Variants in CFAP20DC observed in about 807,000 individuals in gnomAD.
CFAP20DC encodes CFAP20 domain containing.
CFAP20DC carries 84 observed loss-of-function variants against 101.7 expected under a neutral mutation model. The observed-to-expected ratio is 0.83, with a 90% CI of 0.69 to 0.99. CFAP20DC has a LOEUF of 0.99. CFAP20DC is among the 50% of genes least tolerant of loss of function. The pLI, the probability that CFAP20DC is intolerant of heterozygous loss-of-function variation, is 0.00. For synonymous variants in CFAP20DC, 359 were observed against 351.2 expected (o/e 1.02, Z -0.25); for missense variants, 1,007 against 970.3 (o/e 1.04, Z -0.50).
chr3:58,931,630 C>G (rs748896088), intron 5 of CFAP20DC, among the ~76,000 whole-genome samples: 2 of 152,232 alleles, frequency 1.3e-5, no homozygotes, highest in Non-Finnish European at 2.9e-5. Context: ...ATCTGCTGTT[C>G]TGCAGCCACC....
intron 5 of CFAP20DC, among the ~76,000 whole-genome samples, chr3:58,933,157 G>C (rs1380141006): frequency 6.6e-6 from 1 of 151,910 alleles, no homozygotes; most frequent in Non-Finnish European, 1.5e-5. Context: ...AACCAACAAA[G>C]ATCAAAAGAG....
chr3:58,777,665 T>A (rs2071453999), intron 15 of CFAP20DC, among the ~76,000 whole-genome samples: 1 of 152,148 alleles, frequency 6.6e-6, no homozygotes, highest in South Asian at 2.1e-4. Context: ...AGGACAGACT[T>A]AAATATTATC....
At chr3:58,989,100 G>T (rs2092847980) in intron 4 of CFAP20DC, among the ~76,000 whole-genome samples, 2 of 152,020 alleles carry the variant, frequency 1.3e-5, no homozygotes, top group African/African-American at 4.8e-5. Context: ...CAATATTTTA[G>T]TCCTTTCATC....
rs1208249716 is a variant in CFAP20DC at position 58,753,834 on chromosome 3, A to T, written c.2267T>A (p.Ile756Asn). 1 of 1,612,660 alleles carries T rather than the reference A, an allele frequency of 6.2e-7. No homozygotes were observed. Reference sequence around the variant, plus strand: ...AGCCGGCTGTTGACTGGGAGGAACGATTGGTGGGCTCAACATATTTAACCA... The same window carrying T: ...AGCCGGCTGTTGACTGGGAGGAACGTTTGGTGGGCTCAACATATTTAACCA... The part of the protein sequence containing the change: ...RDWLNMLSPP[I>N]VPPSQQPAEQ... Residue 756 changes from isoleucine to asparagine, a missense_variant, in exon 16 of 17, where the codon ATC becomes AAC. By Grantham distance (149) the Ile-to-Asn change is moderately radical (BLOSUM62 -3). Transcript: ENST00000482387.
intron 14 of CFAP20DC, among the ~76,000 whole-genome samples, chr3:58,810,040 C>T (rs1378921179): frequency 6.6e-6 from 1 of 152,156 alleles, no homozygotes; most frequent in Non-Finnish European, 1.5e-5. Context: ...ATAACAGGCT[C>T]TGAAATTGTG....
At chr3:59,003,800 C>T (rs1330751831) in intron 4 of CFAP20DC, among the ~76,000 whole-genome samples, 4 of 152,176 alleles carry the variant, frequency 2.6e-5, no homozygotes, top group Admixed American at 6.5e-5. Context: ...GTAGAGGAAC[C>T]TATAATGAAA....
At chr3:59,049,294 T>C (rs1190766573) in intron 1 of CFAP20DC, among the ~76,000 whole-genome samples, 1 of 152,256 alleles carries the variant, frequency 6.6e-6, no homozygotes, top group Non-Finnish European at 1.5e-5. Context: ...TCAAGATTTC[T>C]GGGCCCTGCC....
intron 4 of CFAP20DC, among the ~76,000 whole-genome samples, chr3:58,945,405 A>G (rs2089205826): frequency 6.6e-6 from 1 of 152,132 alleles, no homozygotes; most frequent in South Asian, 2.1e-4. Flanking sequence ...TTTTGTGTGT[A>G]TGTGTGTATG....
chr3:58,955,607 G>T (rs77558025), intron 4 of CFAP20DC, among the ~76,000 whole-genome samples: 7,629 of 152,034 alleles, frequency 0.05, 352 homozygotes, highest in African/African-American at 0.12. Context: ...GTGCTCTGGG[G>T]CCCCAAATAA....
intron 12 of CFAP20DC, chr3:58,862,790 T>C: frequency 1.0e-6 from 1 of 983,104 alleles, no homozygotes; most frequent in Non-Finnish European, 1.2e-6. Context: ...ATTCTGCTTT[T>C]AGAATAAATT....
chr3:58,878,493 CT>C (rs1418402891), intron 7 of CFAP20DC, among the ~76,000 whole-genome samples: 1 of 151,960 alleles, frequency 6.6e-6, no homozygotes, highest in Non-Finnish European at 1.5e-5. Flanking sequence ...TTTCTTTACT[CT>C]TAATGAGCAA....
chr3:59,017,633 C>T (rs1272086014), intron 4 of CFAP20DC: 2 of 152,146 alleles, frequency 1.3e-5, no homozygotes, highest in Admixed American at 1.3e-4. Flanking sequence ...AGAAAAGTCT[C>T]ATACATCCTC....
At chr3:58,920,229 C>G (rs1487755248) in intron 5 of CFAP20DC, among the ~76,000 whole-genome samples, 1 of 151,702 alleles carries the variant, frequency 6.6e-6, no homozygotes, top group Non-Finnish European at 1.5e-5. Context: ...CAGCTGGGAC[C>G]ACAGCCATAA....
chr3:58,984,412 A>T lies in CFAP20DC; in HGVS notation c.279-46650T>A, dbSNP rs183584070. 6.8e-4 allele frequency among the ~76,000 whole-genome samples: 103 copies of T among 152,288 alleles called. 4 individuals carry two copies. The South Asian group carries it at 0.02, about 29-fold the overall frequency. On this transcript the variant is annotated intron_variant, in intron 4 of 16. Coordinates refer to ENST00000482387, the MANE Select transcript of CFAP20DC (RefSeq NM_001394063.1). Reference sequence around the variant, plus strand: ...AGGAATAATTATTATTCTTAGCCCCACCAAACCACATGGTGACACCAGCAA... The same window carrying T: ...AGGAATAATTATTATTCTTAGCCCCTCCAAACCACATGGTGACACCAGCAA...
intron 15 of CFAP20DC, among the ~76,000 whole-genome samples, chr3:58,771,981 C>A (rs552127364): frequency 1.3e-5 from 2 of 152,256 alleles, no homozygotes; most frequent in South Asian, 2.1e-4. Flanking sequence ...GTAAAATTTG[C>A]GTGCTTTTCT....
intron 4 of CFAP20DC, among the ~76,000 whole-genome samples, chr3:58,992,811 T>C (rs1353228539): frequency 6.6e-6 from 1 of 152,094 alleles, no homozygotes; most frequent in East Asian, 1.9e-4. Context: ...TCTACATAAA[T>C]ATCCATCCAG....
intron 15 of CFAP20DC, among the ~76,000 whole-genome samples, chr3:58,782,573 T>C (rs1223871322): frequency 6.6e-6 from 1 of 152,086 alleles, no homozygotes; most frequent in Non-Finnish European, 1.5e-5. Flanking sequence ...ATAAATTCAG[T>C]AAAGTTGAAG....
At chr3:58,795,000 C>G (rs369337918) in intron 15 of CFAP20DC, among the ~76,000 whole-genome samples, 18 of 152,240 alleles carry the variant, frequency 1.2e-4, no homozygotes, top group African/African-American at 4.1e-4. Context: ...CTGGCTGTAG[C>G]CATTTAACAA....
chr3:58,832,338 T>A (rs1034116160), intron 13 of CFAP20DC, among the ~76,000 whole-genome samples: 4 of 152,156 alleles, frequency 2.6e-5, no homozygotes, highest in African/African-American at 9.7e-5. Flanking sequence ...AGTTGGCAGG[T>A]TTGCTGGGAG....
Sources: gnomAD v4.1 joint callset for allele counts (sites outside exome capture counted in the v4.1 genomes callset) on GRCh38, gnomAD v4.1.1 for gene constraint, MANE v1.5 for transcripts, NCBI Gene and HGNC (gene_info 2026-07-23, HGNC 2026-07-21) for gene names.